The following NRIP1 variants were observed in gnomAD, a reference collection of about 807,000 sequenced individuals.
NRIP1 encodes the protein nuclear receptor interacting protein 1.
A neutral mutation model predicts 75.0 loss-of-function variants in NRIP1; 28 were observed. The observed-to-expected ratio is 0.37, with a 90% confidence interval of 0.28 to 0.51. The LOEUF (loss-of-function observed/expected upper bound fraction) is 0.51, where lower values mean the gene tolerates loss of function less well. Ranked by LOEUF, NRIP1 falls within the 20% of genes least tolerant of loss-of-function variation. The probability of loss-of-function intolerance (pLI) is 0.92; values close to 1 mark genes in which losing one functional copy is unlikely to be tolerated. For synonymous variants in NRIP1, 526 were observed against 487.6 expected (o/e 1.08, Z -1.04); for missense variants, 1,435 against 1,343.7 (o/e 1.07, Z -1.06).
intron 3 of NRIP1, among the ~76,000 whole-genome samples, chr21:14,981,912 C>T (rs1210506345): frequency 6.7e-6 from 1 of 148,780 alleles, no homozygotes; most frequent in Admixed American, 6.8e-5. Context: ...AATGCAGCAG[C>T]GCCATCTCAG....
At chr21:14,975,153 C>T (rs1307786953) in intron 3 of NRIP1, among the ~76,000 whole-genome samples, 1 of 152,028 alleles carries the variant, frequency 6.6e-6, no homozygotes, top group Admixed American at 6.6e-5. Context: ...AGGAAGGAAA[C>T]ATTCATCTAG....
At chr21:15,029,799 G>A (rs2088601172) in intron 2 of NRIP1, among the ~76,000 whole-genome samples, 1 of 150,572 alleles carries the variant, frequency 6.6e-6, no homozygotes, top group African/African-American at 2.5e-5. Context: ...CTGGGCAACA[G>A]AGTCCCTGTC....
At chr21:15,022,758 T>A (rs530281673) in intron 2 of NRIP1, among the ~76,000 whole-genome samples, 3 of 152,244 alleles carry the variant, frequency 2.0e-5, no homozygotes, top group South Asian at 4.2e-4. Context: ...GACAGTTCCT[T>A]AAAAAGCAAC....
chr21:15,005,796 A>T (rs953321093), intron 3 of NRIP1, among the ~76,000 whole-genome samples: 2 of 152,160 alleles, frequency 1.3e-5, no homozygotes, highest in African/African-American at 2.4e-5. Context: ...TTTTATAACA[A>T]ATTATGTAAG....
chr21:14,976,080 T>C (rs1461358237), intron 3 of NRIP1, among the ~76,000 whole-genome samples: 1 of 152,160 alleles, frequency 6.6e-6, no homozygotes, highest in Non-Finnish European at 1.5e-5. Flanking sequence ...CCTGATAGTA[T>C]ACCAAAGGTT....
At position 14,966,638 on chromosome 21, in the gene NRIP1, G is replaced by A. The variant is rs764759333; in HGVS notation, c.1555C>T (p.Pro519Ser). 14 of 1,613,938 alleles carry A rather than the reference G, an allele frequency of 8.7e-6. No homozygotes were observed. The highest frequency in any genetic ancestry group is 1.2e-5 in the Non-Finnish European group (14 of 1,179,990). ...CTCACATCATTGTGTACTCCCTGAG[G>A]GCTGGTGTTTTTTTCTACATTTTCT... ...NEENVEKNTS[P>S]QGVHNDVSKF... Residue 519 changes from proline to serine, a missense_variant, in exon 4 of 4, where the codon CCT becomes TCT. Transcript: ENST00000318948.
chr21:14,964,826 T>C lies in NRIP1; in HGVS notation c.3367A>G (p.Ser1123Gly). ...TTTCCCATATGGCTATTGTAAGGGC[T>C]TCTTAAATTAAAGAAAGAAGCTTTC... The part of the protein sequence containing the change: ...ETKASFFNLR[S>G]PYNSHMGNNA... Residue 1123 changes from serine to glycine, a missense_variant, in exon 4 of 4, where the codon AGC (serine) becomes GGC (glycine). Physicochemically the swap from Ser to Gly is moderately conservative, Grantham distance 56 (BLOSUM62 0). Coordinates refer to ENST00000318948, the MANE Select transcript of NRIP1 (RefSeq NM_003489.4). The C allele has an allele frequency of 6.2e-7, 1 of 1,613,500 alleles. No individual in the cohort carries two copies. Among genetic ancestry groups the C allele is most frequent in the Non-Finnish European group, 8.5e-7 (1 of 1,179,730 alleles).
chr21:14,996,927 T>A (rs1568967873), intron 3 of NRIP1, among the ~76,000 whole-genome samples: 1 of 151,974 alleles, frequency 6.6e-6, no homozygotes, highest in African/African-American at 2.4e-5. Context: ...AAGACACTTG[T>A]ATAAAGATAA....
intron 3 of NRIP1, among the ~76,000 whole-genome samples, chr21:15,008,289 G>A (rs1471852211): frequency 6.6e-6 from 1 of 152,174 alleles, no homozygotes; most frequent in Admixed American, 6.5e-5. Context: ...ACAAAGGAGA[G>A]AAGGAAAGAC....
chr21:14,969,300 G>T (rs2086843107), intron 3 of NRIP1, among the ~76,000 whole-genome samples: 1 of 152,318 alleles, frequency 6.6e-6, no homozygotes, highest in South Asian at 2.1e-4. Flanking sequence ...CCTTACTCAT[G>T]TGCTCTATGG....
chr21:15,024,731 A>G (rs1186533265), intron 2 of NRIP1, among the ~76,000 whole-genome samples: 1 of 152,028 alleles, frequency 6.6e-6, no homozygotes, highest in African/African-American at 2.4e-5. Flanking sequence ...ATGATGTGGT[A>G]TGGGGAATTC....
chr21:14,965,289 A>G lies in NRIP1; in HGVS notation c.2904T>C (p.Asn968=). The part of the protein sequence containing the change: ...ADSKKKGHKN[N]VTNSKPEFSI... ...TAAATTCAGGTTTGCTGTTGGTCAC[A>G]TTATTTTTGTGTCCTTTCTTTTTAC... Residue 968 remains asparagine (N), a synonymous_variant, in exon 4 of 4, where the codon AAT becomes AAC. Coordinates refer to ENST00000318948, the MANE Select transcript of NRIP1 (RefSeq NM_003489.4). The G allele has an allele frequency of 6.2e-7, 1 of 1,614,004 alleles. No individual in the cohort carries two copies. Among genetic ancestry groups the G allele is most frequent in the Non-Finnish European group, 8.5e-7 (1 of 1,179,934 alleles).
At chr21:15,020,497 G>A (rs1471925765) in intron 2 of NRIP1, among the ~76,000 whole-genome samples, 1 of 151,990 alleles carries the variant, frequency 6.6e-6, no homozygotes, top group Non-Finnish European at 1.5e-5. Flanking sequence ...TCTAGAAGAA[G>A]GAATAGGATA....
chr21:15,021,501 T>G (rs553771997), intron 2 of NRIP1, among the ~76,000 whole-genome samples: 2 of 152,232 alleles, frequency 1.3e-5, no homozygotes, highest in South Asian at 2.1e-4. Context: ...AACATCTGAG[T>G]GCATTGACTC....
At chr21:15,035,422 TATAAAA>T (rs1313184430) in intron 2 of NRIP1, among the ~76,000 whole-genome samples, 2 of 152,178 alleles carry the variant, frequency 1.3e-5, no homozygotes, top group Non-Finnish European at 2.9e-5. Flanking sequence ...ACAATGTTGC[TATAAAA>T]ATAAAGTCTG....
intron 1 of NRIP1, among the ~76,000 whole-genome samples, chr21:15,053,643 A>T (rs550533977): frequency 3.7e-4 from 56 of 152,344 alleles, no homozygotes; most frequent in African/African-American, 1.2e-3. Context: ...AGGATAAGTA[A>T]GCACTGGAGG....
rs140653587 is a variant in NRIP1, at chr21:14,965,915, A to T, written c.2278T>A (p.Cys760Ser). The change falls in exon 4 of 4, where the codon TGT becomes AGT. Residue 760 changes from cysteine to serine, a missense_variant. Transcript: ENST00000318948. ...ILMVKIKSEP[C>S]DDLQIPNTNV... is the part of the protein sequence containing the mutation. ...GTGTTAGGAATTTGTAAGTCATCAC[A>T]AGGCTCAGATTTTATTTTCACCATC... is the stretch of plus-strand genomic sequence containing the variant. The T allele has an allele frequency of 1.8e-4, 285 of 1,614,092 alleles. No individual in the cohort carries two copies. The African/African-American group carries it at 3.3e-3, about 18-fold the overall frequency.
rs766844106 is a variant in NRIP1 at position 14,966,437 on chromosome 21, T to A, written c.1756A>T (p.Thr586Ser). 42 of 1,613,964 alleles carry A rather than the reference T, an allele frequency of 2.6e-5. No homozygotes were observed. Among genetic ancestry groups the A allele is most frequent in the Non-Finnish European group, 7.6e-6 (9 of 1,179,984 alleles). Residue 586 changes from threonine (T) to serine (S), a missense_variant, in exon 4 of 4, where the codon ACT becomes TCT. Thr to Ser is a moderately conservative substitution (Grantham distance 58). Transcript: ENST00000318948. ...KWNSPPYVCS[T>S]QSEKLTNTAS... ...GTATTTGTTAGCTTTTCAGACTGAGTACTGCAGACATATGGTGGGGAATTC... is the reference window on the plus strand; with the variant it reads ...GTATTTGTTAGCTTTTCAGACTGAGAACTGCAGACATATGGTGGGGAATTC...
chr21:14,992,545 G>A (rs2087602644), intron 3 of NRIP1: 1 of 151,658 alleles, frequency 6.6e-6, no homozygotes, highest in African/African-American at 2.4e-5. Context: ...CCCCCAAAAA[G>A]TCTAACTATA....
Sources: allele counts gnomAD v4.1 joint callset (sites outside exome capture counted in the v4.1 genomes callset), GRCh38; gene constraint gnomAD v4.1.1; transcripts MANE v1.5; gene names NCBI Gene and HGNC (gene_info 2026-07-23, HGNC 2026-07-21).